The following LRRTM4 variants were observed in gnomAD, a reference collection of about 807,000 sequenced individuals.
The protein encoded by LRRTM4 is leucine rich repeat transmembrane neuronal 4.
Under a neutral mutation model 47.6 loss-of-function variants are expected in LRRTM4, and 25 were observed. The observed-to-expected ratio is 0.53, with a 90% confidence interval of 0.38 to 0.73. LRRTM4 has a LOEUF of 0.73. Ranked by LOEUF, LRRTM4 falls within the 30% of genes least tolerant of loss-of-function variation. The pLI, the probability that LRRTM4 is intolerant of heterozygous loss-of-function variation, is 0.00. For missense variants in LRRTM4, 638 were observed against 713.4 expected (o/e 0.89, Z 1.20); for synonymous variants, 311 against 269.5 (o/e 1.15, Z -1.51).
intron 3 of LRRTM4, among the ~76,000 whole-genome samples, chr2:76,936,585 T>TA (rs869085850): frequency 0.069 from 6,713 of 96,900 alleles, 205 homozygotes; most frequent in East Asian, 0.15. Context: ...TAAAGTATAA[T>TA]AAAAAAAAAA....
chr2:77,198,061 A>G (rs1673878257), intron 3 of LRRTM4, among the ~76,000 whole-genome samples: 1 of 152,204 alleles, frequency 6.6e-6, no homozygotes, highest in African/African-American at 2.4e-5. Context: ...GTATAGTAAA[A>G]TTCTCAAAAC....
At chr2:77,239,040 C>G (rs1675189326) in intron 3 of LRRTM4, among the ~76,000 whole-genome samples, 1 of 151,516 alleles carries the variant, frequency 6.6e-6, no homozygotes, top group African/African-American at 2.4e-5. Context: ...ACTATAATAT[C>G]AAAGAGAAAT....
rs1272549421 is a variant in LRRTM4, at chr2:76,888,115, T to TACAC, written c.1552-139200_1552-139199insGTGT. Among the ~76,000 whole-genome samples the TACAC allele has an allele frequency of 8.6e-5, 13 of 150,944 alleles. No individual in the cohort carries two copies. In the South Asian group the frequency reaches 1.5e-3, roughly 17 times the overall value. ...TAGTGTGTGTGTATATATACATATGTATACATATGTGTGTGTATATATGTA... is the reference window on the plus strand; with the variant it reads ...TAGTGTGTGTGTATATATACATATGTACACATACATATGTGTGTGTATATATGTA... On this transcript the variant is annotated intron_variant, in intron 3 of 3. Coordinates refer to ENST00000409884, the MANE Select transcript of LRRTM4 (RefSeq NM_001134745.3).
intron 3 of LRRTM4, among the ~76,000 whole-genome samples, chr2:77,462,187 CT>C: frequency 1.3e-5 from 2 of 152,136 alleles, no homozygotes; most frequent in Middle Eastern, 6.8e-3. Flanking sequence ...TGCTTGTTGT[CT>C]TTTTCACAGT....
chr2:76,934,052 A>C (rs1674859353), intron 3 of LRRTM4, among the ~76,000 whole-genome samples: 1 of 152,144 alleles, frequency 6.6e-6, no homozygotes, highest in South Asian at 2.1e-4. Flanking sequence ...ATCAGTGTTC[A>C]CTTTGCATCA....
At chr2:77,402,960 A>T (rs1674020148) in intron 3 of LRRTM4, among the ~76,000 whole-genome samples, 1 of 152,054 alleles carries the variant, frequency 6.6e-6, no homozygotes, top group African/African-American at 2.4e-5. Context: ...TCTCATAAAG[A>T]TGTGTACATT....
At chr2:77,488,781 A>C (rs921369976) in intron 3 of LRRTM4, among the ~76,000 whole-genome samples, 1 of 152,078 alleles carries the variant, frequency 6.6e-6, no homozygotes, top group Non-Finnish European at 1.5e-5. Context: ...ACCATATTTG[A>C]ATCTGGTACT....
At chr2:77,505,661 A>G (rs1678738498) in intron 3 of LRRTM4, among the ~76,000 whole-genome samples, 1 of 151,592 alleles carries the variant, frequency 6.6e-6, no homozygotes, top group Non-Finnish European at 1.5e-5. Flanking sequence ...TTTTTGAACT[A>G]AAAATTTTTA....
chr2:76,834,218 T>C (rs947864513), intron 3 of LRRTM4, among the ~76,000 whole-genome samples: 1 of 150,868 alleles, frequency 6.6e-6, no homozygotes, highest in African/African-American at 2.4e-5. Context: ...TTTTTTTTTT[T>C]TTTTGTATTT....
intron 3 of LRRTM4, among the ~76,000 whole-genome samples, chr2:77,063,589 T>C (rs1558558163): frequency 6.6e-6 from 1 of 152,248 alleles, no homozygotes; most frequent in Non-Finnish European, 1.5e-5. Flanking sequence ...TATCCAGAAG[T>C]CTTTAAAATA....
intron 3 of LRRTM4, among the ~76,000 whole-genome samples, chr2:76,803,084 G>A (rs945049262): frequency 6.6e-6 from 1 of 151,958 alleles, no homozygotes; most frequent in African/African-American, 2.4e-5. Context: ...AAAAGTATGG[G>A]TAACTAAAGC....
intron 3 of LRRTM4, among the ~76,000 whole-genome samples, chr2:77,374,449 CAAAT>C (rs1038414302): frequency 3.3e-5 from 5 of 151,698 alleles, no homozygotes; most frequent in African/African-American, 9.7e-5. Flanking sequence ...TTTTCACAGA[CAAAT>C]AAATAAACAC....
intron 3 of LRRTM4, among the ~76,000 whole-genome samples, chr2:77,454,073 G>A (rs187514860): frequency 1.3e-5 from 2 of 152,204 alleles, no homozygotes; most frequent in East Asian, 3.9e-4. Flanking sequence ...TTCTTTTAAA[G>A]CCCCTTTTAT....
intron 3 of LRRTM4, among the ~76,000 whole-genome samples, chr2:77,277,988 C>G (rs571995552): frequency 2.0e-5 from 3 of 152,008 alleles, no homozygotes; most frequent in East Asian, 1.9e-4. Context: ...CTGTCTCTTT[C>G]TCTCTCTTTC....
At chr2:77,215,145 T>G (rs1289263604) in intron 3 of LRRTM4, among the ~76,000 whole-genome samples, 1 of 152,164 alleles carries the variant, frequency 6.6e-6, no homozygotes, top group Non-Finnish European at 1.5e-5. Context: ...TCTTTCTTCA[T>G]TTAACAATAT....
At chr2:77,217,070 CA>C (rs553127745) in intron 3 of LRRTM4, among the ~76,000 whole-genome samples, 24,166 of 84,072 alleles carry the variant, frequency 0.29, 3,718 homozygotes, top group African/African-American at 0.53. Context: ...GAGACTCTGT[CA>C]AAAAAAAAAA....
At chr2:77,396,108 AT>A (rs1301616733) in intron 3 of LRRTM4, among the ~76,000 whole-genome samples, 1 of 151,900 alleles carries the variant, frequency 6.6e-6, no homozygotes, top group Non-Finnish European at 1.5e-5. Context: ...GATATGTTTA[AT>A]TTTGTTGTTT....
intron 3 of LRRTM4, among the ~76,000 whole-genome samples, chr2:77,094,379 G>A (rs1198552672): frequency 6.6e-6 from 1 of 151,904 alleles, no homozygotes; most frequent in East Asian, 1.9e-4. Flanking sequence ...CAGATTCAAT[G>A]CAATTTCTAT....
intron 3 of LRRTM4, among the ~76,000 whole-genome samples, chr2:76,875,865 C>T (rs1672763275): frequency 6.6e-6 from 1 of 152,074 alleles, no homozygotes; most frequent in Non-Finnish European, 1.5e-5. Flanking sequence ...GGACAACTGC[C>T]ACAGGCAGAC....
Sources: gnomAD v4.1 joint callset for allele counts (sites outside exome capture counted in the v4.1 genomes callset) on GRCh38, gnomAD v4.1.1 for gene constraint, MANE v1.5 for transcripts, NCBI Gene and HGNC (gene_info 2026-07-23, HGNC 2026-07-21) for gene names.